The following PFKP variants were observed in gnomAD, a reference collection of about 807,000 sequenced individuals.
PFKP encodes phosphofructokinase, platelet.
A neutral mutation model predicts 94.3 loss-of-function variants in PFKP; 101 were observed. The observed-to-expected ratio is 1.07, with a 90% CI of 0.91 to 1.26. The LOEUF is 1.26. Ranked by LOEUF, PFKP falls within the 50% of genes most tolerant of loss-of-function variation. The probability of loss-of-function intolerance (pLI) is 0.00; values close to 1 mark genes in which losing one functional copy is unlikely to be tolerated. For missense variants in PFKP, 1,145 were observed against 1,103.3 expected (o/e 1.04, Z -0.53); for synonymous variants, 573 against 432.6 (o/e 1.32, Z -4.03).
At position 3,119,485 on chromosome 10, in the gene PFKP, G is replaced by A. The variant is rs9423465; in HGVS notation, c.1531-407G>A. 3.7e-3 allele frequency among the ~76,000 whole-genome samples: 561 copies of A among 152,134 alleles called. 1 individual carries two copies. The highest frequency in any genetic ancestry group is 0.013 in the African/African-American group (534 of 41,504). On this transcript the variant is annotated intron_variant, in intron 15 of 21. Coordinates refer to ENST00000381125, the MANE Select transcript of PFKP (RefSeq NM_002627.5). Reference sequence around the variant, plus strand: ...CCGGGTGTGGTGGCAGGTGCCTGTAGTCCCAGCTACCCGGGAGGCTGAGGC... The same window carrying A: ...CCGGGTGTGGTGGCAGGTGCCTGTAATCCCAGCTACCCGGGAGGCTGAGGC...
intron 4 of PFKP, among the ~76,000 whole-genome samples, chr10:3,102,239 A>G (rs1297872491): frequency 3.6e-5 from 3 of 82,894 alleles, no homozygotes; most frequent in African/African-American, 8.7e-5. Context: ...CGACAGAGCG[A>G]GACTCTGTCT....
chr10:3,125,261 C>T, intron 16 of PFKP: 2 of 1,287,316 alleles, frequency 1.6e-6, no homozygotes, highest in Non-Finnish European at 2.0e-6. Flanking sequence ...TAAGAGAACC[C>T]CGTTTCCTCT....
intron 1 of PFKP, chr10:3,068,682 T>G: frequency 1.0e-6 from 1 of 984,730 alleles, no homozygotes; most frequent in Non-Finnish European, 1.2e-6. Flanking sequence ...AGGCCCCGGG[T>G]GCACGTGGGG....
intron 17 of PFKP, among the ~76,000 whole-genome samples, chr10:3,132,019 T>C (rs1271782027): frequency 6.6e-6 from 1 of 152,148 alleles, no homozygotes; most frequent in African/African-American, 2.4e-5. Flanking sequence ...CACAGGTCAC[T>C]CTTTCCTCTG....
intron 4 of PFKP, among the ~76,000 whole-genome samples, chr10:3,102,674 C>T (rs1458380243): frequency 6.6e-6 from 1 of 152,226 alleles, no homozygotes; most frequent in African/African-American, 2.4e-5. Context: ...TCAGGTCATC[C>T]ACCCGCTTCG....
At chr10:3,092,325 T>C (rs941412780) in intron 2 of PFKP, among the ~76,000 whole-genome samples, 1 of 152,126 alleles carries the variant, frequency 6.6e-6, no homozygotes, top group East Asian at 1.9e-4. Flanking sequence ...GCTTCCCTTC[T>C]TTAGTTGGTC....
intron 3 of PFKP, chr10:3,100,882 A>AAAAAAAAAAAAAAG (rs35163491): frequency 7.1e-6 from 8 of 1,125,540 alleles, no homozygotes; most frequent in Non-Finnish European, 9.1e-6. Context: ...AAAAAAAAAA[A>AAAAAAAAAAAAAAG]TCCCCCTGGC....
Position 3,132,381 on chromosome 10 carries a change from C to A in PFKP, c.1850C>A (p.Ser617Tyr). The A allele has an allele frequency of 6.2e-7, 1 of 1,607,532 alleles. No homozygotes were observed. Among genetic ancestry groups the A allele is most frequent in the Non-Finnish European group, 8.5e-7 (1 of 1,174,060 alleles). Residue 617 changes from serine to tyrosine, a missense_variant and splice_region_variant, in exon 18 of 22, where the codon TCC becomes TAC. Coordinates refer to ENST00000381125, the MANE Select transcript of PFKP (RefSeq NM_002627.5). ...GATTAACAAAATACTCTCTTCCAGT[C>A]CAACGTGGAGCACCTGACGGAGAAA... ...EEPFDIRDLQSNVEHLTEKMK... is the reference protein window; with the variant it reads ...EEPFDIRDLQYNVEHLTEKMK...
intron 2 of PFKP, among the ~76,000 whole-genome samples, chr10:3,094,850 G>A (rs1237740956): frequency 6.6e-6 from 1 of 152,096 alleles, no homozygotes; most frequent in Non-Finnish European, 1.5e-5. Flanking sequence ...GGAGGGAAAA[G>A]GATTAAACTA....
chr10:3,077,518 G>A (rs1832715661), intron 1 of PFKP, among the ~76,000 whole-genome samples: 1 of 151,486 alleles, frequency 6.6e-6, no homozygotes, highest in Admixed American at 6.6e-5. Flanking sequence ...CGCCCACCTT[G>A]GCCTCCCAAA....
chr10:3,104,646 A>G, intron 5 of PFKP: 1 of 215,928 alleles, frequency 4.6e-6, no homozygotes, highest in Admixed American at 5.6e-5. Flanking sequence ...GGCTGCTCGG[A>G]GCAGTTGGAT....
chr10:3,127,236 C>A (rs1248846863), intron 16 of PFKP, among the ~76,000 whole-genome samples: 3 of 152,270 alleles, frequency 2.0e-5, no homozygotes, highest in African/African-American at 7.2e-5. Context: ...CCAGCTGTCG[C>A]TGCGTTTACA....
rs772929615 is a variant in PFKP at position 3,113,102 on chromosome 10, A to G, written c.1155-17A>G. 1.9e-6 allele frequency: 3 copies of G among 1,610,574 alleles called. No individual in the cohort carries two copies. Among genetic ancestry groups the G allele is most frequent in the Non-Finnish European group, 2.5e-6 (3 of 1,178,498 alleles). On this transcript the variant is annotated splice_polypyrimidine_tract_variant and intron_variant, in intron 11 of 21. Coordinates refer to ENST00000381125, the MANE Select transcript of PFKP (RefSeq NM_002627.5). ...CGGTATTCTCGACTCCGGTCCAACG[A>G]CACCCTTTTCCTTTAGGAGCTTTGC...
At chr10:3,089,420 G>A (rs117897659) in intron 2 of PFKP, among the ~76,000 whole-genome samples, 83 of 152,096 alleles carry the variant, frequency 5.5e-4, no homozygotes, top group Non-Finnish European at 9.7e-4. Flanking sequence ...GTAGGAGTGC[G>A]GAGGTCTCTT....
chr10:3,080,655 C>T lies in PFKP; in HGVS notation c.113-1733C>T, dbSNP rs1048828624. 2.6e-5 allele frequency among the ~76,000 whole-genome samples: 4 copies of T among 152,266 alleles called. No individual in the cohort carries two copies. In the South Asian group the frequency reaches 6.2e-4, roughly 24 times the overall value. Reference sequence around the variant, plus strand: ...AGCAAGGCACCGTCCCCATACCCAGCTCTCCAACGGGGTGGGGCTCTTGTG... The same window carrying T: ...AGCAAGGCACCGTCCCCATACCCAGTTCTCCAACGGGGTGGGGCTCTTGTG... On this transcript the variant is annotated intron_variant, in intron 1 of 21. Coordinates refer to ENST00000381125, the MANE Select transcript of PFKP (RefSeq NM_002627.5).
intron 14 of PFKP, 100 bp downstream of exon 14, chr10:3,116,946 G>T: frequency 1.1e-6 from 1 of 930,090 alleles, no homozygotes. Flanking sequence ...TTGGATTCCT[G>T]GAAAGGCGTC....
chr10:3,125,272 C>T (rs113379262), intron 16 of PFKP: 3 of 1,268,448 alleles, frequency 2.4e-6, no homozygotes, highest in South Asian at 2.7e-5. Context: ...CGTTTCCTCT[C>T]ATTGCTTTTC....
intron 16 of PFKP, among the ~76,000 whole-genome samples, chr10:3,121,865 A>C (rs1410866675): frequency 3.4e-5 from 4 of 116,414 alleles, no homozygotes; most frequent in Non-Finnish European, 6.4e-5. Context: ...TCTGTTTCCC[A>C]GGCTGGAATG....
At position 3,120,393 on chromosome 10, in the gene PFKP, G is replaced by C. The variant is rs926164881; in HGVS notation, c.1683+349G>C. 3.8e-5 allele frequency among the ~76,000 whole-genome samples: 5 copies of C among 132,026 alleles called. No homozygotes were observed. The South Asian group carries it at 9.8e-4, about 26-fold the overall frequency. The allele number at this position is 132,026 out of a possible 152,430, so 86.6% of individuals were successfully genotyped here. A position where few individuals can be genotyped will look rare whatever the true frequency, so the allele number is the denominator to read the frequency against. Reference sequence around the variant, plus strand: ...GCTGTGTGTGTGTGTGTGTGTGTGTGTGTGTGCTGAGCCTAAATTTTCTTT... The same window carrying C: ...GCTGTGTGTGTGTGTGTGTGTGTGTCTGTGTGCTGAGCCTAAATTTTCTTT... On this transcript the variant is annotated intron_variant, in intron 16 of 21. Transcript: ENST00000381125.
Sources: gnomAD v4.1 joint callset for allele counts (sites outside exome capture counted in the v4.1 genomes callset) on GRCh38, gnomAD v4.1.1 for gene constraint, MANE v1.5 for transcripts, NCBI Gene and HGNC (gene_info 2026-07-23, HGNC 2026-07-21) for gene names.